HSH2D: variants seen among roughly 807,000 people sequenced by gnomAD.
HSH2D encodes hematopoietic SH2 domain containing.
In HSH2D, 16 loss-of-function variants were observed where a neutral mutation model predicts 21.5. That is an observed-to-expected ratio of 0.74 (90% CI 0.50 to 1.13). The LOEUF (loss-of-function observed/expected upper bound fraction) is 1.13. Ranked by LOEUF, HSH2D falls within the 50% of genes most tolerant of loss-of-function variation. The pLI, the probability that HSH2D is intolerant of heterozygous loss-of-function variation, is 0.00. For missense variants in HSH2D, 418 were observed against 441.4 expected (o/e 0.95, Z 0.47); for synonymous variants, 172 against 184.7 (o/e 0.93, Z 0.56).
chr19:16,150,595 G>C (rs755338632), intron 2 of HSH2D, among the ~76,000 whole-genome samples: 1 of 151,880 alleles, frequency 6.6e-6, no homozygotes, highest in African/African-American at 2.4e-5. Flanking sequence ...CCAGCTACTC[G>C]GGTGGCTGAG....
At chr19:16,154,635 A>C in intron 5 of HSH2D, 144 bp downstream of exon 5, 1 of 545,298 alleles carries the variant, frequency 1.8e-6, no homozygotes, top group East Asian at 3.2e-5. Context: ...GTGCTTTTGC[A>C]ACACCGAGAT....
Position 16,157,893 on chromosome 19 carries a change from G to T in HSH2D, c.*99G>T. 1 of 857,794 alleles carries T rather than the reference G, an allele frequency of 1.2e-6. No individual in the cohort carries two copies. Among genetic ancestry groups the T allele is most frequent in the Non-Finnish European group, 1.8e-6 (1 of 570,402 alleles). 53.1% of individuals were successfully genotyped at this position (857,794 alleles called of 1,614,324 possible). A position where few individuals can be genotyped will look rare whatever the true frequency, so the allele number is the denominator to read the frequency against. On this transcript the variant is annotated 3_prime_UTR_variant, in exon 6 of 6. Coordinates refer to ENST00000613986, the MANE Select transcript of HSH2D (RefSeq NM_001382417.1). The surrounding 1 kb of genome is among the most constrained non-coding windows in gnomAD (Gnocchi z 4.4). Reference sequence around the variant, plus strand: ...CATGGCCCCACACCATGGCATCCGGGGGTCTTCGGGAACCCGGGAAATGGA... The same window carrying T: ...CATGGCCCCACACCATGGCATCCGGTGGTCTTCGGGAACCCGGGAAATGGA...
In HSH2D at chr19:16,143,773, A is replaced by G. The variant is rs948306999; in HGVS notation, c.-29A>G. On this transcript the variant is annotated splice_region_variant and 5_prime_UTR_variant, in exon 1 of 6. Coordinates refer to ENST00000613986, the MANE Select transcript of HSH2D (RefSeq NM_001382417.1). Reference sequence around the variant, plus strand: ...GGCCTCGGCCATCCAAGGGTCTCCCAGGTATGTGACCCAAGAGCCTCAGCC... The same window carrying G: ...GGCCTCGGCCATCCAAGGGTCTCCCGGGTATGTGACCCAAGAGCCTCAGCC... The G allele has an allele frequency of 6.7e-6, 3 of 451,034 alleles. No individual in the cohort carries two copies. The highest frequency in any genetic ancestry group is 3.3e-4 in the Middle Eastern group (1 of 3,072). The allele number at this position is 451,034 out of a possible 1,614,324, so 27.9% of individuals were successfully genotyped here. A position where few individuals can be genotyped will look rare whatever the true frequency, so the allele number is the denominator to read the frequency against.
chr19:16,157,941 T>A lies in HSH2D; in HGVS notation c.*147T>A, dbSNP rs1386692176. 1.3e-5 allele frequency: 8 copies of A among 618,582 alleles called. No individual in the cohort carries two copies. Among genetic ancestry groups the A allele is most frequent in the Non-Finnish European group, 2.0e-5 (7 of 355,680 alleles). 38.3% of individuals were successfully genotyped at this position (618,582 alleles called of 1,614,324 possible). ...GGAATAAAGATGTTTTTGGGGTCTGTTCCTGCACTCACCCATGGGGTGAGC... is the reference window on the plus strand; with the variant it reads ...GGAATAAAGATGTTTTTGGGGTCTGATCCTGCACTCACCCATGGGGTGAGC... On this transcript the variant is annotated 3_prime_UTR_variant, in exon 6 of 6. Coordinates refer to ENST00000613986, the MANE Select transcript of HSH2D (RefSeq NM_001382417.1). The surrounding 1 kb of genome is among the most constrained non-coding windows in gnomAD (Gnocchi z 4.4).
chr19:16,157,100 A>T lies in HSH2D; in HGVS notation c.475-110A>T. On this transcript the variant is annotated intron_variant, in intron 5 of 5. Transcript: ENST00000613986. This position sits in a 1 kb window ranked among gnomAD's most constrained non-coding sequence, Gnocchi z 4.4. ...ATCAGGTTTGGGGGTTCACACGGGG[A>T]CGTTTCTCAGCCACAGGGTGTCTGG... 1 of 809,686 alleles carries T rather than the reference A, an allele frequency of 1.2e-6. No individual in the cohort carries two copies. The highest frequency in any genetic ancestry group is 1.9e-6 in the Non-Finnish European group (1 of 528,536). The allele number at this position is 809,686 out of a possible 1,614,324, so 50.2% of individuals were successfully genotyped here. A position where few individuals can be genotyped will look rare whatever the true frequency, so the allele number is the denominator to read the frequency against.
intron 5 of HSH2D, among the ~76,000 whole-genome samples, chr19:16,156,994 A>T (rs992854545): frequency 6.6e-6 from 1 of 152,056 alleles, no homozygotes; most frequent in African/African-American, 2.4e-5. Context: ...TCAAAAAAAA[A>T]AAAAGGAAGA....
In HSH2D at chr19:16,158,140, C is replaced by A; in HGVS notation, c.*346C>A. The A allele has an allele frequency of 4.7e-6, 1 of 214,112 alleles. No homozygotes were observed. 13.3% of individuals were successfully genotyped at this position (214,112 alleles called of 1,614,324 possible). On this transcript the variant is annotated 3_prime_UTR_variant, in exon 6 of 6. Transcript: ENST00000613986. Reference sequence around the variant, plus strand: ...ACTGAGGTTCAGAGAGGATAAGAGGCGTGACCAAGGCCACAGAGCTATGGG... The same window carrying A: ...ACTGAGGTTCAGAGAGGATAAGAGGAGTGACCAAGGCCACAGAGCTATGGG...
At chr19:16,137,591 A>G (rs940463130) in intron 1 of HSH2D, among the ~76,000 whole-genome samples, 11 of 148,884 alleles carry the variant, frequency 7.4e-5, no homozygotes, top group Admixed American at 6.7e-4. Flanking sequence ...AAAAAAAAAA[A>G]GAAAAAAAGA....
rs923772100 is a variant in HSH2D at position 16,137,393 on chromosome 19, C to T, written c.-324+3158C>T. Among the ~76,000 whole-genome samples, 10 of 152,062 alleles carry T rather than the reference C, an allele frequency of 6.6e-5. 1 individual carries two copies. The East Asian group carries it at 1.4e-3, about 21-fold the overall frequency. On this transcript the variant is annotated intron_variant, in intron 1 of 7. Coordinates refer to the HSH2D transcript ENST00000616645. ...CTATAATCCCAGCACTTTGGGAGGC[C>T]GACGTGGGTGGATCACTTGAGGTCA...
intron 2 of HSH2D, among the ~76,000 whole-genome samples, chr19:16,150,991 G>A (rs183114956): frequency 2.8e-4 from 43 of 152,192 alleles, no homozygotes; most frequent in African/African-American, 8.9e-4. Context: ...CACAGAAGGC[G>A]GCCTTCCTCT....
rs748969553 is a variant in HSH2D, at chr19:16,157,237, C to T, written c.502C>T (p.Gln168Ter). 6.4e-7 allele frequency: 1 copy of T among 1,563,720 alleles called. No homozygotes were observed. Among genetic ancestry groups the T allele is most frequent in the Non-Finnish European group, 8.6e-7 (1 of 1,158,120 alleles). ...EASPKPVLCH[Q>*]SKERKPSAEM... Reference sequence around the variant, plus strand: ...CTCCCCAAAGCCAGTCCTGTGTCACCAATCAAAGGAAAGGAAGCCGTCAGC... The same window carrying T: ...CTCCCCAAAGCCAGTCCTGTGTCACTAATCAAAGGAAAGGAAGCCGTCAGC... The change falls in exon 6 of 6, where the codon CAA becomes TAA. Residue 168 changes from glutamine to a stop codon, truncating the protein, a stop_gained. Coordinates refer to ENST00000613986, the MANE Select transcript of HSH2D (RefSeq NM_001382417.1). LOFTEE classifies it low-confidence loss of function (END_TRUNC). The surrounding 1 kb of genome is among the most constrained non-coding windows in gnomAD (Gnocchi z 4.4).
At chr19:16,140,203 C>A (rs2090990768), upstream of HSH2D, among the ~76,000 whole-genome samples, 3 of 152,054 alleles carry the variant, frequency 2.0e-5, no homozygotes, top group Admixed American at 2.0e-4. Context: ...TTTGGGAAGT[C>A]CAGGCAGGTA....
At chr19:16,148,240 C>A (rs546987810) in intron 1 of HSH2D, among the ~76,000 whole-genome samples, 2 of 152,262 alleles carry the variant, frequency 1.3e-5, no homozygotes, top group South Asian at 4.1e-4. Context: ...CCTCTGCCCC[C>A]CGGGTTCAAG....
upstream of HSH2D, among the ~76,000 whole-genome samples, chr19:16,142,892 C>T (rs1016244963): frequency 6.6e-5 from 10 of 152,152 alleles, no homozygotes; most frequent in Non-Finnish European, 1.5e-4. Flanking sequence ...CTTGCATCAG[C>T]CTCCTGAGTA....
upstream of HSH2D, among the ~76,000 whole-genome samples, chr19:16,141,472 C>T (rs953600855): frequency 3.3e-5 from 5 of 152,206 alleles, no homozygotes; most frequent in African/African-American, 1.2e-4. Context: ...CTGTTAGGCA[C>T]ACAGGGCCTG....
chr19:16,145,628 T>C (rs2091057453), intron 1 of HSH2D, among the ~76,000 whole-genome samples: 1 of 152,208 alleles, frequency 6.6e-6, no homozygotes, highest in Non-Finnish European at 1.5e-5. Flanking sequence ...GAGGGTATGC[T>C]TGACATCTGG....
intron 2 of HSH2D, chr19:16,151,579 G>A (rs142819382): frequency 1.8e-4 from 83 of 455,872 alleles, no homozygotes; most frequent in African/African-American, 1.4e-3. Flanking sequence ...GAGCATACAG[G>A]TCCTTCTTTG....
At chr19:16,144,687 T>TA (rs1491519819) in intron 1 of HSH2D, among the ~76,000 whole-genome samples, 2 of 41,188 alleles carry the variant, frequency 4.9e-5, no homozygotes, top group South Asian at 1.3e-3. Context: ...TTCTAGGCTC[T>TA]TTTTTTTTTT....
At position 16,143,914 on chromosome 19, in the gene HSH2D, G is replaced by C. The variant is rs565286946; in HGVS notation, c.-28+140G>C. The C allele has an allele frequency of 3.4e-5, 9 of 267,026 alleles. No individual in the cohort carries two copies. The East Asian group carries it at 1.0e-3, about 31-fold the overall frequency. 16.5% of individuals were successfully genotyped at this position (267,026 alleles called of 1,614,324 possible). ...CATGGGGGAGAGCTTCGTGGAGGAG[G>C]GGGTATTTGTGGTGACCACAAATGG... On this transcript the variant is annotated intron_variant, in intron 1 of 5. Coordinates refer to ENST00000613986, the MANE Select transcript of HSH2D (RefSeq NM_001382417.1).
Sources: allele counts gnomAD v4.1 joint callset (sites outside exome capture counted in the v4.1 genomes callset), GRCh38; gene constraint gnomAD v4.1.1; non-coding constraint Gnocchi (gnomAD v3.1); transcripts MANE v1.5; gene names NCBI Gene and HGNC (gene_info 2026-07-23, HGNC 2026-07-21).